SORCS1: variants seen among roughly 807,000 people sequenced by gnomAD.
SORCS1 encodes the protein sortilin related VPS10 domain containing receptor 1.
In SORCS1, 60 loss-of-function variants were observed where a neutral mutation model predicts 146.1. The ratio of observed to expected loss-of-function variants is 0.41; its 90% CI spans 0.33 to 0.51. The LOEUF is 0.51. Among genes scored for constraint, SORCS1 ranks in the 20% least tolerant of loss-of-function variants. The pLI, the probability that SORCS1 is intolerant of heterozygous loss-of-function variation, is 0.21. For missense variants in SORCS1, 1,352 were observed against 1,487.6 expected (o/e 0.91, Z 1.50); for synonymous variants, 637 against 584.0 (o/e 1.09, Z -1.31).
intron 2 of SORCS1, among the ~76,000 whole-genome samples, chr10:106,843,837 CTAT>C (rs1229239194): frequency 6.6e-6 from 1 of 152,182 alleles, no homozygotes; most frequent in Non-Finnish European, 1.5e-5. Flanking sequence ...CGTATCTTGG[CTAT>C]TGTGAATAAT....
intron 18 of SORCS1, among the ~76,000 whole-genome samples, chr10:106,633,081 A>AGC (rs1454856270): frequency 6.6e-6 from 1 of 152,150 alleles, no homozygotes; most frequent in African/African-American, 2.4e-5. Context: ...AGCAGAGAAA[A>AGC]ATACCTTCTG....
chr10:107,042,895 C>T (rs1959181050), intron 1 of SORCS1, among the ~76,000 whole-genome samples: 1 of 152,134 alleles, frequency 6.6e-6, no homozygotes, highest in Admixed American at 6.5e-5. Flanking sequence ...CAGGCATGAG[C>T]CTTGCCGGAA....
At chr10:106,757,443 C>A (rs375932917) in intron 5 of SORCS1, among the ~76,000 whole-genome samples, 1 of 152,144 alleles carries the variant, frequency 6.6e-6, no homozygotes, top group African/African-American at 2.4e-5. Flanking sequence ...ATAGTTCCTA[C>A]ATAATTTGAA....
chr10:106,730,149 T>C lies in SORCS1; in HGVS notation c.960-35A>G, dbSNP rs751041103. 5.0e-6 allele frequency: 8 copies of C among 1,607,310 alleles called. No homozygotes were observed. In the South Asian group the frequency reaches 8.8e-5, roughly 18 times the overall value. On this transcript the variant is annotated intron_variant, in intron 5 of 25. Coordinates refer to ENST00000263054, the MANE Select transcript of SORCS1 (RefSeq NM_052918.5). ...GGAGAAACATGAAAAGAAACATCCA[T>C]ATTAATGACTTCACATGTGCCTTAG... is the stretch of plus-strand genomic sequence containing the variant.
intron 18 of SORCS1, among the ~76,000 whole-genome samples, chr10:106,632,430 T>G (rs1162917500): frequency 1.3e-5 from 2 of 152,194 alleles, no homozygotes; most frequent in African/African-American, 4.8e-5. Flanking sequence ...CCGGTGTTCC[T>G]GGGCTCAAAT....
intron 1 of SORCS1, among the ~76,000 whole-genome samples, chr10:106,969,598 G>A (rs934065511): frequency 2.6e-5 from 4 of 152,038 alleles, no homozygotes; most frequent in African/African-American, 9.7e-5. Context: ...ATAATACAAA[G>A]TCATAAAGAA....
Position 106,727,450 on chromosome 10 carries a change from C to A in SORCS1, c.1024+2600G>T, listed in dbSNP as rs372174378. 8.5e-5 allele frequency among the ~76,000 whole-genome samples: 13 copies of A among 152,308 alleles called. No individual in the cohort carries two copies. The East Asian group carries it at 1.9e-3, about 23-fold the overall frequency. ...TGCACTACAGTCTTGAACTCCTGGG[C>A]TCAAATGATCCCCCTGCCTCAGCCT... On this transcript the variant is annotated intron_variant, in intron 6 of 25. Transcript: ENST00000263054.
At chr10:107,040,679 C>A (rs1959113385) in intron 1 of SORCS1, among the ~76,000 whole-genome samples, 1 of 152,076 alleles carries the variant, frequency 6.6e-6, no homozygotes, top group Non-Finnish European at 1.5e-5. Context: ...ATAAAGAAAC[C>A]GGATTAGGGT....
chr10:106,653,208 A>T (rs772365188), intron 17 of SORCS1, among the ~76,000 whole-genome samples: 2 of 152,226 alleles, frequency 1.3e-5, no homozygotes, highest in Non-Finnish European at 2.9e-5. Context: ...ATTATTCTAC[A>T]GAATTAACCT....
At chr10:106,893,551 G>A (rs1298243965) in intron 2 of SORCS1, among the ~76,000 whole-genome samples, 1 of 152,146 alleles carries the variant, frequency 6.6e-6, no homozygotes, top group African/African-American at 2.4e-5. Flanking sequence ...AATCAATGCG[G>A]TATAATTTTA....
chr10:107,166,156 C>T (rs1455267621), upstream of SORCS1, among the ~76,000 whole-genome samples: 1 of 152,168 alleles, frequency 6.6e-6, no homozygotes, highest in East Asian at 1.9e-4. Flanking sequence ...ATGAATGACA[C>T]AACAAAATAG....
rs1344692969 is a variant in SORCS1, at chr10:106,930,056, C to A, written c.626+26457G>T. On this transcript the variant is annotated intron_variant, in intron 2 of 25. Transcript: ENST00000263054. ...GGTCAGGAGATTGAGACCATCCTGG[C>A]TAACACGGTGATGAGACATATTAAA... Among the ~76,000 whole-genome samples, 5 of 152,172 alleles carry A rather than the reference C, an allele frequency of 3.3e-5. No homozygotes were observed. In the East Asian group the frequency reaches 9.7e-4, roughly 29 times the overall value.
At chr10:106,710,290 T>C (rs1337663048) in intron 6 of SORCS1, among the ~76,000 whole-genome samples, 1 of 151,760 alleles carries the variant, frequency 6.6e-6, no homozygotes, top group Admixed American at 6.6e-5. Flanking sequence ...CTACTAAAAA[T>C]ACAAAAATGA....
At chr10:106,849,613 G>A (rs966962933) in intron 2 of SORCS1, among the ~76,000 whole-genome samples, 1 of 151,404 alleles carries the variant, frequency 6.6e-6, no homozygotes, top group Non-Finnish European at 1.5e-5. Flanking sequence ...ATCCAGCTTT[G>A]TTCCGTTGCT....
At chr10:106,920,959 G>T (rs912881483) in intron 2 of SORCS1, among the ~76,000 whole-genome samples, 2 of 152,128 alleles carry the variant, frequency 1.3e-5, no homozygotes, top group Non-Finnish European at 2.9e-5. Context: ...GAGGACCCCA[G>T]CAACAGTCTC....
At position 106,742,394 on chromosome 10, in the gene SORCS1, T is replaced by G. The variant is rs141417101; in HGVS notation, c.960-12280A>C. On this transcript the variant is annotated intron_variant, in intron 5 of 25. Transcript: ENST00000263054. The stretch of plus-strand genomic sequence containing the variant: ...AGAAGATAATTTTACACAATTTTTT[T>G]TTTGAGATGGAGTCTAGCTCTGTTG... Among the ~76,000 whole-genome samples the G allele has an allele frequency of 9.3e-3, 1,409 of 152,290 alleles. 9 individuals carry two copies. Among genetic ancestry groups the G allele is most frequent in the Non-Finnish European group, 0.014 (973 of 68,022 alleles).
At chr10:106,821,083 T>C (rs1455427982) in intron 3 of SORCS1, among the ~76,000 whole-genome samples, 3 of 152,242 alleles carry the variant, frequency 2.0e-5, no homozygotes, top group Non-Finnish European at 4.4e-5. Flanking sequence ...TAGTCTATTA[T>C]GCTTACTTGA....
At chr10:107,073,755 C>A (rs1297090246) in intron 1 of SORCS1, among the ~76,000 whole-genome samples, 2 of 152,166 alleles carry the variant, frequency 1.3e-5, no homozygotes, top group Non-Finnish European at 2.9e-5. Context: ...CATGTTGCCT[C>A]CCATAAAAAC....
intron 17 of SORCS1, among the ~76,000 whole-genome samples, chr10:106,656,235 C>T (rs952248884): frequency 6.6e-6 from 1 of 152,106 alleles, no homozygotes; most frequent in Non-Finnish European, 1.5e-5. Flanking sequence ...TGCTTCTTTG[C>T]TACCTGGAAG....
Sources: gnomAD v4.1 joint callset for allele counts (sites outside exome capture counted in the v4.1 genomes callset) on GRCh38, gnomAD v4.1.1 for gene constraint, MANE v1.5 for transcripts, NCBI Gene and HGNC (gene_info 2026-07-23, HGNC 2026-07-21) for gene names.